The following ZFHX3 variants were observed in gnomAD, a reference collection of about 807,000 sequenced individuals.
The protein encoded by ZFHX3 is zinc finger homeobox protein 3.
In ZFHX3, 42 loss-of-function variants were observed where a neutral mutation model predicts 279.1. That is an observed-to-expected ratio of 0.15 (90% CI 0.12 to 0.19). ZFHX3 has a LOEUF of 0.19. Ranked by LOEUF, ZFHX3 falls within the 10% of genes least tolerant of loss-of-function variation. ZFHX3 has a pLI of 1.00. For missense variants in ZFHX3, 4,981 were observed against 4,754.0 expected, an observed-to-expected ratio of 1.05 and a Z score of -1.40; for synonymous variants, 2,293 against 1,957.8, an observed-to-expected ratio of 1.17 and a Z score of -4.52.
intron 4 of ZFHX3, among the ~76,000 whole-genome samples, chr16:73,300,446 T>C (rs564832504): frequency 6.6e-6 from 1 of 151,664 alleles, no homozygotes; most frequent in African/African-American, 2.4e-5. Context: ...GTGTGGCCCA[T>C]AGGTGGCCGT....
At chr16:72,805,767 T>G (rs1325542784) in intron 7 of ZFHX3, among the ~76,000 whole-genome samples, 1 of 152,184 alleles carries the variant, frequency 6.6e-6, no homozygotes, top group Non-Finnish European at 1.5e-5. Flanking sequence ...CTCTTGCCAG[T>G]AGAGTTTCAG....
At chr16:73,289,755 C>T (rs2014721221) in intron 4 of ZFHX3, among the ~76,000 whole-genome samples, 1 of 152,056 alleles carries the variant, frequency 6.6e-6, no homozygotes, top group African/African-American at 2.4e-5. Context: ...TTCTGGTGAG[C>T]CCCCAGGGGA....
At chr16:73,149,567 T>C (rs1020347766) in intron 5 of ZFHX3, among the ~76,000 whole-genome samples, 7 of 152,196 alleles carry the variant, frequency 4.6e-5, no homozygotes, top group Non-Finnish European at 1.0e-4. Context: ...CTCAGTCATT[T>C]TCGGCACTTT....
chr16:73,763,931 G>C (rs1567402171), intron 1 of ZFHX3, among the ~76,000 whole-genome samples: 1 of 149,156 alleles, frequency 6.7e-6, no homozygotes, highest in Non-Finnish European at 1.5e-5. Context: ...GGGGTGGGAG[G>C]ACCATACTTG....
At chr16:73,429,583 C>T (rs2017874746) in intron 3 of ZFHX3, among the ~76,000 whole-genome samples, 2 of 152,050 alleles carry the variant, frequency 1.3e-5, no homozygotes, top group Non-Finnish European at 2.9e-5. Flanking sequence ...TTCGCCTGTC[C>T]TGGCCTCCCA....
chr16:73,661,447 G>A (rs1247357697), intron 2 of ZFHX3, among the ~76,000 whole-genome samples: 3 of 152,184 alleles, frequency 2.0e-5, no homozygotes, highest in African/African-American at 4.8e-5. Context: ...ATGGCCGGGT[G>A]TGCTGGCTCA....
intron 3 of ZFHX3, among the ~76,000 whole-genome samples, chr16:72,944,457 G>A (rs939281163): frequency 1.3e-5 from 2 of 152,188 alleles, no homozygotes; most frequent in Non-Finnish European, 2.9e-5. Context: ...CCTCTGGACA[G>A]TAAAGTCAGA....
At chr16:73,586,572 CAGAA>C (rs1414704757) in intron 2 of ZFHX3, among the ~76,000 whole-genome samples, 1 of 151,860 alleles carries the variant, frequency 6.6e-6, no homozygotes, top group Non-Finnish European at 1.5e-5. Flanking sequence ...ATCAGTTCCT[CAGAA>C]AGATTTTTGA....
chr16:73,097,231 A>ATTTT lies in ZFHX3; in HGVS notation c.-896-3637_-896-3634dup, dbSNP rs376018253. Among the ~76,000 whole-genome samples, 1,088 of 126,672 alleles carry ATTTT rather than the reference A, an allele frequency of 8.6e-3. 37 individuals carry two copies. Among genetic ancestry groups the ATTTT allele is most frequent in the African/African-American group, 0.021 (651 of 31,754 alleles). The allele number at this position is 126,672 out of a possible 152,430, so 83.1% of individuals were successfully genotyped here. On this transcript the variant is annotated intron_variant, in intron 7 of 17. Coordinates refer to the ZFHX3 transcript ENST00000641206. ...TCCTCACCACACCCAGCTAATTTTAATTTTTTTTTTTTTTTTTTGTAGAGA... is the reference window on the plus strand; with the variant it reads ...TCCTCACCACACCCAGCTAATTTTAATTTTTTTTTTTTTTTTTTTTTTGTAGAGA...
At chr16:73,729,289 G>C (rs541522594) in intron 1 of ZFHX3, among the ~76,000 whole-genome samples, 1 of 152,324 alleles carries the variant, frequency 6.6e-6, no homozygotes, top group East Asian at 1.9e-4. Flanking sequence ...CACTTCTGGA[G>C]GCCAAAGTGG....
rs189097619 is a variant in ZFHX3 at position 73,485,586 on chromosome 16, C to G, written c.-1546-29328G>C. Among the ~76,000 whole-genome samples the G allele has an allele frequency of 6.6e-5, 10 of 152,198 alleles. No individual in the cohort carries two copies. In the East Asian group the frequency reaches 1.7e-3, roughly 26 times the overall value. ...TGATAAGGGCTGCAGTGTCCAGTAC[C>G]CTGCTCGACCTTTCTCTCTTCCCTT... On this transcript the variant is annotated intron_variant, in intron 2 of 17. Transcript: ENST00000641206.
chr16:72,825,105 C>T (rs550929756), intron 5 of ZFHX3, among the ~76,000 whole-genome samples: 35 of 152,350 alleles, frequency 2.3e-4, no homozygotes, highest in Admixed American at 5.9e-4. Flanking sequence ...CCATGTTTCA[C>T]AGAGGAGGTA....
At chr16:73,242,545 A>G (rs1186419856) in intron 5 of ZFHX3, among the ~76,000 whole-genome samples, 2 of 152,232 alleles carry the variant, frequency 1.3e-5, no homozygotes, top group African/African-American at 4.8e-5. Context: ...ATATTAATGT[A>G]AGACAAAGCA....
chr16:72,958,203 A>G lies in ZFHX3; in HGVS notation c.1943T>C (p.Val648Ala), dbSNP rs144465704. ...GCCCAGCGAGCGGGAGGAGCCCAGG[A>G]CCGTGTCGCATTTGGGGCACTCCAC... ...SGVECPKCDT[V>A]LGSSRSLGGH... The change falls in exon 2 of 10, where the codon GTC (valine) becomes GCC (alanine). Residue 648 changes from valine to alanine, a missense_variant. By Grantham distance (64) the Val-to-Ala change is moderately conservative. This residue lies in a region of ZFHX3 where 1,068 missense variants were observed against 935.2 expected (regional missense o/e 1.14). Transcript: ENST00000268489. 164 of 1,612,010 alleles carry G rather than the reference A, an allele frequency of 1.0e-4. No homozygotes were observed. The highest frequency in any genetic ancestry group is 1.3e-4 in the Non-Finnish European group (159 of 1,178,412).
rs569425024 is a variant in ZFHX3, at chr16:72,957,864, C to G, written c.2282G>C (p.Gly761Ala). The change falls in exon 2 of 10, where the codon GGG becomes GCG. Residue 761 changes from glycine (G) to alanine (A), a missense_variant. Around this residue, in one of 7 missense-constraint regions of ZFHX3, gnomAD observed 1,751 missense variants for 1,770.0 expected, o/e 0.99. Transcript: ENST00000268489. The stretch of plus-strand genomic sequence containing the variant: ...AGTGTGGCTGAAGACCTGCTCCCCC[C>G]CTCCATTCTGCAGGTTCTGCATGTT... ...LNNMQNLQNGGGEQVFSHTAG... is the reference protein window; with the variant it reads ...LNNMQNLQNGAGEQVFSHTAG... 1.4e-4 allele frequency: 223 copies of G among 1,614,100 alleles called. No individual in the cohort carries two copies. In the East Asian group the frequency reaches 2.1e-3, roughly 15 times the overall value.
At chr16:73,873,443 C>G (rs1252257011) in intron 1 of ZFHX3, among the ~76,000 whole-genome samples, 1 of 152,168 alleles carries the variant, frequency 6.6e-6, no homozygotes, top group African/African-American at 2.4e-5. Context: ...AATCCTCCCA[C>G]TCATTTTATG....
intron 7 of ZFHX3, chr16:72,807,909 A>G (rs1479574740): frequency 6.6e-6 from 1 of 152,230 alleles, no homozygotes; most frequent in Middle Eastern, 3.2e-3. Flanking sequence ...CAAAGCAGAC[A>G]TAACTTCCTT....
intron 3 of ZFHX3, among the ~76,000 whole-genome samples, chr16:73,436,429 T>G (rs1465496067): frequency 1.3e-5 from 2 of 152,084 alleles, no homozygotes; most frequent in Non-Finnish European, 2.9e-5. Context: ...CAAGAGAGAA[T>G]GAGAACCAAG....
At chr16:73,156,351 T>C (rs1054940823) in intron 5 of ZFHX3, among the ~76,000 whole-genome samples, 11 of 151,780 alleles carry the variant, frequency 7.2e-5, no homozygotes, top group African/African-American at 2.7e-4. Context: ...AAAAAATGAT[T>C]TGAGGTACTT....
Sources: gnomAD v4.1 joint callset for allele counts (sites outside exome capture counted in the v4.1 genomes callset) on GRCh38, gnomAD v4.1.1 for gene constraint, gnomAD v4.1.1 regional missense constraint, MANE v1.5 for transcripts, NCBI Gene and HGNC (gene_info 2026-07-23, HGNC 2026-07-21) for gene names.